Variants in SGCD observed in about 807,000 individuals in gnomAD.
The protein encoded by SGCD is sarcoglycan delta.
In SGCD, 18 loss-of-function variants were observed where a neutral mutation model predicts 36.6. That is an observed-to-expected ratio of 0.49 (90% CI 0.34 to 0.73). SGCD has a LOEUF of 0.73. Among genes scored for constraint, SGCD ranks in the 30% least tolerant of loss-of-function variants. The pLI is 0.01. For missense variants in SGCD, 387 were observed against 346.7 expected, an observed-to-expected ratio of 1.12 and a Z score of -0.92; for synonymous variants, 133 against 130.6, an observed-to-expected ratio of 1.02 and a Z score of -0.12.
chr5:156,265,054 G>A (rs1765964634), intron 3 of SGCD, among the ~76,000 whole-genome samples: 1 of 152,120 alleles, frequency 6.6e-6, no homozygotes, highest in Non-Finnish European at 1.5e-5. Context: ...TAGCAGCAAA[G>A]GAGAACTAGA....
At chr5:156,022,082 A>C (rs73302947) in intron 1 of SGCD, among the ~76,000 whole-genome samples, 6,810 of 152,216 alleles carry the variant, frequency 0.045, 450 homozygotes, top group African/African-American at 0.15. Flanking sequence ...TTCTGTCTCT[A>C]CAGATTTGCC....
intron 3 of SGCD, among the ~76,000 whole-genome samples, chr5:156,247,365 AT>A (rs1216523470): frequency 6.6e-6 from 1 of 152,170 alleles, no homozygotes; most frequent in Non-Finnish European, 1.5e-5. Flanking sequence ...TTTAAAGCAA[AT>A]TTTGGCAAAA....
intron 1 of SGCD, among the ~76,000 whole-genome samples, chr5:155,929,992 G>T (rs1044649992): frequency 3.3e-5 from 5 of 152,020 alleles, no homozygotes; most frequent in African/African-American, 1.2e-4. Flanking sequence ...AATTTACAGG[G>T]TCCTACAGAT....
At chr5:156,073,800 A>G (rs1340616029) in intron 1 of SGCD, among the ~76,000 whole-genome samples, 1 of 152,238 alleles carries the variant, frequency 6.6e-6, no homozygotes, top group Non-Finnish European at 1.5e-5. Context: ...GCTTTTAGCC[A>G]CAGGGGTTTT....
chr5:156,565,019 A>G (rs1759421022), intron 4 of SGCD, among the ~76,000 whole-genome samples: 1 of 152,236 alleles, frequency 6.6e-6, no homozygotes, highest in African/African-American at 2.4e-5. Flanking sequence ...CCTGTAAACA[A>G]GGATAGATCT....
intron 1 of SGCD, among the ~76,000 whole-genome samples, chr5:155,899,000 T>A (rs925683387): frequency 2.0e-5 from 3 of 152,064 alleles, no homozygotes; most frequent in African/African-American, 4.8e-5. Context: ...CAGAGAGACA[T>A]AGAGGGACAT....
chr5:156,370,192 A>G (rs1770307474), intron 3 of SGCD, among the ~76,000 whole-genome samples: 1 of 152,194 alleles, frequency 6.6e-6, no homozygotes, highest in Non-Finnish European at 1.5e-5. Context: ...CAGAAAGCAC[A>G]GTTTCATGGA....
intron 3 of SGCD, among the ~76,000 whole-genome samples, chr5:156,390,749 A>C (rs1329061840): frequency 6.6e-6 from 1 of 152,162 alleles, no homozygotes; most frequent in Non-Finnish European, 1.5e-5. Context: ...AAAAAGTTTA[A>C]TGCATATGAA....
intron 3 of SGCD, among the ~76,000 whole-genome samples, chr5:156,125,839 T>TTTATTATTATTATTATTATTA (rs144493356): frequency 7.6e-6 from 1 of 131,484 alleles, no homozygotes; most frequent in Non-Finnish European, 1.6e-5. Flanking sequence ...CACTCATTCT[T>TTTATTATTATTATTATTATTA]TTATTATTAT....
intron 1 of SGCD, among the ~76,000 whole-genome samples, chr5:156,093,202 C>A (rs978581660): frequency 6.6e-6 from 1 of 152,170 alleles, no homozygotes; most frequent in Non-Finnish European, 1.5e-5. Context: ...CTACAATAGG[C>A]CCATTGTTTG....
At chr5:156,486,556 A>T (rs75359579) in intron 3 of SGCD, among the ~76,000 whole-genome samples, 1,761 of 152,194 alleles carry the variant, frequency 0.012, 19 homozygotes, top group Non-Finnish European at 0.019. Flanking sequence ...ATGAGCTAGA[A>T]GGTCACCCAG....
In SGCD at chr5:156,594,943, G is replaced by T. The variant is rs367819390; in HGVS notation, c.394G>T (p.Val132Leu). ...TCTATATCTCTCAGGTCCAAAAGCC[G>T]TAGAAGCTTATGGTAAAAAATTTGA... ...LTQLITGPKA[V>L]EAYGKKFEVK... Residue 132 changes from valine (V) to leucine (L), a missense_variant, in exon 6 of 9, where the codon GTA (valine) becomes TTA (leucine). Physicochemically the swap from Val to Leu is conservative, Grantham distance 32. Transcript: ENST00000337851. 1 of 1,605,322 alleles carries T rather than the reference G, an allele frequency of 6.2e-7. No individual in the cohort carries two copies. The highest frequency in any genetic ancestry group is 8.5e-7 in the Non-Finnish European group (1 of 1,173,934).
intron 3 of SGCD, among the ~76,000 whole-genome samples, chr5:156,179,604 T>A (rs1763555319): frequency 1.3e-5 from 2 of 151,716 alleles, no homozygotes; most frequent in South Asian, 4.2e-4. Context: ...CCAATGAATA[T>A]GTTATAATTT....
At chr5:155,939,541 A>G (rs1315217730) in intron 1 of SGCD, among the ~76,000 whole-genome samples, 1 of 151,382 alleles carries the variant, frequency 6.6e-6, no homozygotes, top group Non-Finnish European at 1.5e-5. Context: ...CTACCCAGGA[A>G]GGCTGAGACA....
chr5:156,141,389 C>G (rs182517301), intron 3 of SGCD, among the ~76,000 whole-genome samples: 1 of 152,184 alleles, frequency 6.6e-6, no homozygotes, highest in Non-Finnish European at 1.5e-5. Flanking sequence ...TCCCAGACTG[C>G]GAGAGCTGCA....
intron 3 of SGCD, among the ~76,000 whole-genome samples, chr5:156,208,424 G>A (rs1309773659): frequency 2.0e-5 from 3 of 152,198 alleles, no homozygotes; most frequent in Admixed American, 2.0e-4. Context: ...TGACTGCCAG[G>A]AACTAGCATT....
At chr5:155,799,538 A>C in the SGCD span, among the ~76,000 whole-genome samples, 1 of 151,680 alleles carries the variant, frequency 6.6e-6, no homozygotes, top group Non-Finnish European at 1.5e-5. Flanking sequence ...GGATTACAGG[A>C]GTGCCATCAT....
chr5:156,032,306 A>G (rs1759365484), intron 1 of SGCD, among the ~76,000 whole-genome samples: 1 of 151,884 alleles, frequency 6.6e-6, no homozygotes, highest in South Asian at 2.1e-4. Context: ...TGACATTGAG[A>G]CTCACCCTGT....
At chr5:156,642,162 A>G (rs1427859196) in intron 6 of SGCD, among the ~76,000 whole-genome samples, 2 of 152,126 alleles carry the variant, frequency 1.3e-5, no homozygotes, top group Non-Finnish European at 2.9e-5. Context: ...TAATCCCATC[A>G]TGGGCACTCT....
Sources: gnomAD v4.1 joint callset for allele counts (sites outside exome capture counted in the v4.1 genomes callset) on GRCh38, gnomAD v4.1.1 for gene constraint, MANE v1.5 for transcripts, NCBI Gene and HGNC (gene_info 2026-07-23, HGNC 2026-07-21) for gene names.